The following PTPRU variants were observed in gnomAD, a reference collection of about 807,000 sequenced individuals.
PTPRU encodes receptor-type tyrosine-protein phosphatase U.
PTPRU carries 69 observed loss-of-function variants against 166.3 expected under a neutral mutation model. That is an observed-to-expected ratio of 0.41 (90% CI 0.34 to 0.51). The LOEUF (loss-of-function observed/expected upper bound fraction) is 0.51, where lower values mean the gene tolerates loss of function less well. Ranked by LOEUF, PTPRU falls within the 20% of genes least tolerant of loss-of-function variation. The pLI is 0.09. For synonymous variants in PTPRU, 793 were observed against 814.0 expected (o/e 0.97, Z 0.44); for missense variants, 1,657 against 2,013.7 (o/e 0.82, Z 3.39).
chr1:29,244,332 T>C (rs1159831096), intron 1 of PTPRU, among the ~76,000 whole-genome samples: 3 of 151,468 alleles, frequency 2.0e-5, no homozygotes, highest in African/African-American at 7.3e-5. Flanking sequence ...ACCTGGGGGA[T>C]GGGACAGCTG....
intron 2 of PTPRU, among the ~76,000 whole-genome samples, chr1:29,256,943 G>A (rs140216903): frequency 3.0e-3 from 457 of 152,324 alleles, no homozygotes; most frequent in Non-Finnish European, 3.4e-3. Flanking sequence ...TCTTGAGGAT[G>A]TGGTGGTGAG....
At position 29,275,847 on chromosome 1, in the gene PTPRU, C is replaced by T. The variant is rs564791015; in HGVS notation, c.1453+91C>T. The T allele has an allele frequency of 5.6e-5, 78 of 1,392,126 alleles. No individual in the cohort carries two copies. The South Asian group carries it at 7.0e-4, about 12-fold the overall frequency. The allele number at this position is 1,392,126 out of a possible 1,614,324, so 86.2% of individuals were successfully genotyped here. On this transcript the variant is annotated intron_variant, in intron 8 of 29. Coordinates refer to ENST00000373779, the MANE Select transcript of PTPRU (RefSeq NM_133178.4). ...TGAAATTTACTGAGGGTATTTTTTTCTTTTTTTTGCTTAGGATTAAACCAA... is the reference window on the plus strand; with the variant it reads ...TGAAATTTACTGAGGGTATTTTTTTTTTTTTTTTGCTTAGGATTAAACCAA...
chr1:29,319,868 G>A (rs982453988), intron 25 of PTPRU, among the ~76,000 whole-genome samples: 3 of 152,130 alleles, frequency 2.0e-5, no homozygotes, highest in Admixed American at 6.5e-5. Flanking sequence ...GGGTGGGGCA[G>A]GGCAGGTCAC....
At chr1:29,252,428 CA>C (rs751900931) in intron 1 of PTPRU, among the ~76,000 whole-genome samples, 1 of 152,068 alleles carries the variant, frequency 6.6e-6, no homozygotes, top group Non-Finnish European at 1.5e-5. Context: ...CCACCACACC[CA>C]GCTAATTTTT....
At chr1:29,274,501 G>A (rs1685708241) in intron 7 of PTPRU, among the ~76,000 whole-genome samples, 1 of 152,044 alleles carries the variant, frequency 6.6e-6, no homozygotes, top group South Asian at 2.1e-4. Context: ...CTTATCTTTA[G>A]ACCTCCACAT....
At chr1:29,321,713 G>A (rs1688169434) in intron 26 of PTPRU, among the ~76,000 whole-genome samples, 1 of 152,214 alleles carries the variant, frequency 6.6e-6, no homozygotes, top group African/African-American at 2.4e-5. Flanking sequence ...TGTTCTTGTG[G>A]GGTTATTGTG....
chr1:29,297,052 GTTTTTT>G (rs35789721), intron 15 of PTPRU, among the ~76,000 whole-genome samples: 3 of 111,404 alleles, frequency 2.7e-5, no homozygotes, highest in Non-Finnish European at 3.6e-5. Flanking sequence ...CTTAGTAGCT[GTTTTTT>G]TTTTTTTTTT....
At chr1:29,255,194 G>C in intron 1 of PTPRU, 81 bp from the exon 2 acceptor site, 1 of 1,500,546 alleles carries the variant, frequency 6.7e-7, no homozygotes, top group Non-Finnish European at 9.0e-7. Flanking sequence ...TGGGTAGAAG[G>C]GAGAGTGGGG....
Position 29,312,579 on chromosome 1 carries a change from C to T in PTPRU, c.3100C>T (p.Arg1034Cys), listed in dbSNP as rs781393850. The change falls in exon 22 of 30, where the codon CGC (arginine) becomes TGC (cysteine). Residue 1034 changes from arginine to cysteine, a missense_variant. Arg to Cys is a radical substitution (Grantham distance 180). Transcript: ENST00000373779. ...RRGYSARHEV[R>C]QFHFTAWPEH... ...AGGCTACTCTGCCCGGCACGAGGTCCGCCAGTTCCACTTCACAGCGTGGCC... is the reference window on the plus strand; with the variant it reads ...AGGCTACTCTGCCCGGCACGAGGTCTGCCAGTTCCACTTCACAGCGTGGCC... 22 of 1,599,448 alleles carry T rather than the reference C, an allele frequency of 1.4e-5. No homozygotes were observed. The highest frequency in any genetic ancestry group is 2.3e-5 in the East Asian group (1 of 44,432).
chr1:29,274,042 T>C (rs1451582618), intron 7 of PTPRU, among the ~76,000 whole-genome samples: 1 of 152,194 alleles, frequency 6.6e-6, no homozygotes, highest in African/African-American at 2.4e-5. Flanking sequence ...CATTTTTTGT[T>C]TTTTTTGGGA....
At chr1:29,285,585 T>C (rs1686305454) in intron 14 of PTPRU, among the ~76,000 whole-genome samples, 1 of 152,208 alleles carries the variant, frequency 6.6e-6, no homozygotes, top group African/African-American at 2.4e-5. Context: ...TTTAGGACTC[T>C]AGGAATCTTA....
intron 1 of PTPRU, among the ~76,000 whole-genome samples, chr1:29,242,169 GGT>G (rs1221131954): frequency 6.6e-6 from 1 of 152,224 alleles, no homozygotes; most frequent in Non-Finnish European, 1.5e-5. Context: ...TGGGATTACA[GGT>G]GTGAGCCACT....
chr1:29,275,895 T>A, intron 8 of PTPRU, 139 bp downstream of exon 8: 1 of 927,892 alleles, frequency 1.1e-6, no homozygotes, highest in East Asian at 2.7e-5. Context: ...AAAGTAGTGA[T>A]AGCTCCTATT....
At chr1:29,276,673 T>C (rs933588102) in intron 8 of PTPRU, among the ~76,000 whole-genome samples, 3 of 152,236 alleles carry the variant, frequency 2.0e-5, no homozygotes, top group African/African-American at 7.2e-5. Context: ...ATATCATCTT[T>C]TTCATTTCTG....
intron 29 of PTPRU, 98 bp from the exon 30 acceptor site, chr1:29,325,501 C>A: frequency 1.3e-6 from 2 of 1,513,776 alleles, no homozygotes; most frequent in Non-Finnish European, 1.8e-6. Flanking sequence ...GGCCTGGGCT[C>A]GGGCTCGTGC....
At position 29,315,232 on chromosome 1, in the gene PTPRU, T is replaced by A; in HGVS notation, c.3228-140T>A. 1 of 1,058,836 alleles carries A rather than the reference T, an allele frequency of 9.4e-7. No individual in the cohort carries two copies. The highest frequency in any genetic ancestry group is 3.2e-4 in the Middle Eastern group (1 of 3,142). 65.6% of individuals were successfully genotyped at this position (1,058,836 alleles called of 1,614,324 possible). A position where few individuals can be genotyped will look rare whatever the true frequency, so the allele number is the denominator to read the frequency against. ...TCCAGCAGCCTGCGTCCTGGCTCCT[T>A]ACTCGGGGAGGGGCAGTCATCTCTG... On this transcript the variant is annotated intron_variant, in intron 22 of 29. Transcript: ENST00000373779. The surrounding 1 kb of genome is among the most constrained non-coding windows in gnomAD (Gnocchi z 4.5).
intron 15 of PTPRU, among the ~76,000 whole-genome samples, chr1:29,298,758 C>T (rs1687008471): frequency 3.3e-5 from 5 of 152,142 alleles, no homozygotes; most frequent in Admixed American, 3.3e-4. Context: ...GTCTCAGAGT[C>T]AGGTGGATTC....
intron 14 of PTPRU, among the ~76,000 whole-genome samples, chr1:29,289,146 G>C (rs1335448379): frequency 6.6e-6 from 1 of 151,230 alleles, no homozygotes; most frequent in Non-Finnish European, 1.5e-5. Flanking sequence ...GGAGGGTGGG[G>C]GATGAGAACA....
At chr1:29,274,573 A>C (rs1685711334) in intron 7 of PTPRU, among the ~76,000 whole-genome samples, 1 of 152,008 alleles carries the variant, frequency 6.6e-6, no homozygotes, top group South Asian at 2.1e-4. Flanking sequence ...TTATTTAACT[A>C]TTTGGCTCTC....
Sources: gnomAD v4.1 joint callset for allele counts (sites outside exome capture counted in the v4.1 genomes callset) on GRCh38, gnomAD v4.1.1 for gene constraint, Gnocchi (gnomAD v3.1) non-coding constraint, MANE v1.5 for transcripts, NCBI Gene and HGNC (gene_info 2026-07-23, HGNC 2026-07-21) for gene names.